Variants in NOS2 observed in about 807,000 individuals in gnomAD.
The protein encoded by NOS2 is nitric oxide synthase 2, also known as nitric oxide synthase, inducible.
Under a neutral mutation model 136.0 loss-of-function variants are expected in NOS2, and 96 were observed. That is an observed-to-expected ratio of 0.71 (90% CI 0.60 to 0.84). The LOEUF (loss-of-function observed/expected upper bound fraction) is 0.84, where lower values mean the gene tolerates loss of function less well. Among genes scored for constraint, NOS2 ranks in the 40% least tolerant of loss-of-function variants. NOS2 has a pLI of 0.00. For synonymous variants in NOS2, 539 were observed against 587.5 expected (o/e 0.92, Z 1.20); for missense variants, 1,237 against 1,496.9 (o/e 0.83, Z 2.87).
In NOS2 at chr17:27,757,217, C is replaced by A; in HGVS notation, c.*29G>T. ...GCTGGCTCCATCCTTAAGTTCTGTG[C>A]CGGCAGCTTTAACCCCTCCTGTAGG... On this transcript the variant is annotated 3_prime_UTR_variant, in exon 27 of 27. Coordinates refer to ENST00000313735, the MANE Select transcript of NOS2 (RefSeq NM_000625.4). The A allele has an allele frequency of 6.3e-7, 1 of 1,580,548 alleles. No individual in the cohort carries two copies. Among genetic ancestry groups the A allele is most frequent in the African/African-American group, 1.3e-5 (1 of 74,276 alleles).
At chr17:27,759,813 G>A (rs535735861) in intron 25 of NOS2, among the ~76,000 whole-genome samples, 9 of 152,296 alleles carry the variant, frequency 5.9e-5, no homozygotes, top group Admixed American at 4.6e-4. Flanking sequence ...GTTAACCCGC[G>A]TGTGACCTAG....
intron 2 of NOS2, 74 bp downstream of exon 2, chr17:27,798,625 AT>A: frequency 2.3e-6 from 2 of 871,286 alleles, no homozygotes; most frequent in South Asian, 2.7e-5. Context: ...AGAGAGAGGA[AT>A]TCTGAGTCAT....
chr17:27,782,911 A>G (rs780418712), intron 6 of NOS2, 33 bp downstream of exon 6: 1 of 1,610,134 alleles, frequency 6.2e-7, no homozygotes, highest in Non-Finnish European at 8.5e-7. Flanking sequence ...GGCCGCCTCC[A>G]GCTCTCTCCC....
intron 4 of NOS2, among the ~76,000 whole-genome samples, chr17:27,788,601 T>C (rs943470020): frequency 6.6e-6 from 1 of 152,324 alleles, no homozygotes; most frequent in East Asian, 1.9e-4. Flanking sequence ...ACCTTCTGGA[T>C]TATCCATTAT....
chr17:27,786,578 G>A (rs1461727453), intron 5 of NOS2, among the ~76,000 whole-genome samples: 1 of 152,210 alleles, frequency 6.6e-6, no homozygotes, highest in African/African-American at 2.4e-5. Context: ...GGACAACGCA[G>A]TGTTCTAAAA....
chr17:27,757,530 G>A (rs28944213), intron 26 of NOS2, among the ~76,000 whole-genome samples, 177 bp from the exon 27 acceptor site: 1,921 of 152,162 alleles, frequency 0.013, 33 homozygotes, highest in African/African-American at 0.042. Flanking sequence ...GCTCTGGTGC[G>A]GGCCCTCTAA....
chr17:27,786,691 T>C (rs1328132955), intron 5 of NOS2, among the ~76,000 whole-genome samples: 2 of 152,162 alleles, frequency 1.3e-5, no homozygotes, highest in African/African-American at 4.8e-5. Context: ...TCCCGCCAAC[T>C]ACCCTCCTCC....
At chr17:27,761,633 G>A (rs1350687908) in intron 22 of NOS2, among the ~76,000 whole-genome samples, 2 of 152,314 alleles carry the variant, frequency 1.3e-5, no homozygotes, top group East Asian at 1.9e-4. Flanking sequence ...GCATGAAGTG[G>A]CCCCTCAGGG....
Position 27,757,292 on chromosome 17 carries a change from T to C in NOS2, c.3416A>G (p.Asp1139Gly), listed in dbSNP as rs767113852. ...GAVFPYEAKK[D>G]RVAVQPSSLE... is the part of the protein sequence containing the mutation. ...GCTGCTGGGCTGCACCGCCACCCTG[T>C]CCTTCTTCGCCTCGTAAGGAAATAC... The change falls in exon 27 of 27, where the codon GAC becomes GGC. Residue 1139 changes from aspartate (D) to glycine (G), a missense_variant. Coordinates refer to ENST00000313735, the MANE Select transcript of NOS2 (RefSeq NM_000625.4). 6.2e-7 allele frequency: 1 copy of C among 1,614,144 alleles called. No individual in the cohort carries two copies. The highest frequency in any genetic ancestry group is 8.5e-7 in the Non-Finnish European group (1 of 1,180,018).
In NOS2 at chr17:27,778,813, G is replaced by A. The variant is rs151146410; in HGVS notation, c.1180-22C>T. On this transcript the variant is annotated intron_variant, in intron 10 of 26. Transcript: ENST00000313735. ...CTTCCTACAGAGGCAGAGTGATAGC[G>A]GCGAGTCGGTCCCTGAAGCCACCCC... 255 of 1,613,548 alleles carry A rather than the reference G, an allele frequency of 1.6e-4. No individual in the cohort carries two copies. The African/African-American group carries it at 2.6e-3, about 16-fold the overall frequency.
At chr17:27,792,707 G>A (rs184171098) in intron 2 of NOS2, among the ~76,000 whole-genome samples, 2 of 151,726 alleles carry the variant, frequency 1.3e-5, no homozygotes, top group East Asian at 3.9e-4. Flanking sequence ...AGCTGGGCGC[G>A]GTGGCTGACA....
chr17:27,762,306 G>A (rs1908159317), intron 22 of NOS2, among the ~76,000 whole-genome samples: 1 of 152,204 alleles, frequency 6.6e-6, no homozygotes, highest in South Asian at 2.1e-4. Flanking sequence ...CCAGTGCCAG[G>A]CACCCACTGA....
intron 3 of NOS2, 84 bp from the exon 4 acceptor site, chr17:27,789,015 TG>T: frequency 6.5e-7 from 1 of 1,530,722 alleles, no homozygotes; most frequent in South Asian, 1.2e-5. Context: ...GAAGGATCTA[TG>T]GGTGGCCACA....
chr17:27,769,435 T>C, intron 16 of NOS2, 100 bp downstream of exon 16: 1 of 1,035,592 alleles, frequency 9.7e-7, no homozygotes, highest in Non-Finnish European at 1.5e-6. Context: ...GCCTGCACGG[T>C]TCTGAGAAGA....
intron 2 of NOS2, among the ~76,000 whole-genome samples, chr17:27,790,339 C>T (rs1909150837): frequency 6.6e-6 from 1 of 152,190 alleles, no homozygotes; most frequent in Non-Finnish European, 1.5e-5. Flanking sequence ...AGTGATCCTC[C>T]CACCTTAGCC....
At chr17:27,781,217 T>A in intron 7 of NOS2, 40 bp from the exon 8 acceptor site, 1 of 1,572,746 alleles carries the variant, frequency 6.4e-7, no homozygotes, top group Non-Finnish European at 8.6e-7. Flanking sequence ...CACCTAGCCC[T>A]GGTGGGGGCC....
At chr17:27,795,808 C>T (rs965192510) in intron 2 of NOS2, among the ~76,000 whole-genome samples, 11 of 152,096 alleles carry the variant, frequency 7.2e-5, no homozygotes, top group African/African-American at 1.9e-4. Flanking sequence ...GGATCCTTTC[C>T]GCCAGCCCAC....
chr17:27,781,984 C>T, intron 7 of NOS2, 31 bp downstream of exon 7: 2 of 1,594,624 alleles, frequency 1.3e-6, no homozygotes, highest in Non-Finnish European at 1.7e-6. Context: ...CAAGGCAAGC[C>T]CCTCTGCAGC....
intron 9 of NOS2, 144 bp downstream of exon 9, chr17:27,780,623 A>C: frequency 1.0e-6 from 1 of 977,624 alleles, no homozygotes; most frequent in Admixed American, 2.1e-5. Context: ...GTGACAAAAG[A>C]GTCCTTGAAG....
Sources: gnomAD v4.1 joint callset for allele counts (sites outside exome capture counted in the v4.1 genomes callset) on GRCh38, gnomAD v4.1.1 for gene constraint, MANE v1.5 for transcripts, NCBI Gene and HGNC (gene_info 2026-07-23, HGNC 2026-07-21) for gene names.